ARHGAP6: variants seen among roughly 807,000 people sequenced by gnomAD.
ARHGAP6 encodes the protein Rho GTPase activating protein 6.
In ARHGAP6, 16 loss-of-function variants were observed where a neutral mutation model predicts 55.7. That is an observed-to-expected ratio of 0.29 (90% CI 0.19 to 0.44). The LOEUF is 0.44. ARHGAP6 is among the 20% of genes least tolerant of loss of function. ARHGAP6 has a pLI of 1.00. For missense variants in ARHGAP6, 698 were observed against 808.9 expected (o/e 0.86, Z 1.66); for synonymous variants, 382 against 360.9 (o/e 1.06, Z -0.66).
chrX:11,438,023 C>T (rs1276200898), intron 1 of ARHGAP6, among the ~76,000 whole-genome samples: 4 of 112,558 alleles, frequency 3.6e-5, no homozygotes, highest in Non-Finnish European at 7.5e-5. Context: ...AGCTTGCAAC[C>T]TCCAGATTTC....
chrX:11,448,562 T>G (rs2050115684), intron 1 of ARHGAP6, among the ~76,000 whole-genome samples: 1 of 111,533 alleles, frequency 9.0e-6, no homozygotes, highest in Non-Finnish European at 1.9e-5. Flanking sequence ...TGGCACCACT[T>G]AAAGTTACCT....
At chrX:11,538,032 G>T (rs1272397063) in intron 1 of ARHGAP6, among the ~76,000 whole-genome samples, 1 of 111,064 alleles carries the variant, frequency 9.0e-6, no homozygotes, top group African/African-American at 3.3e-5. Flanking sequence ...CCTAGAAATT[G>T]ATAAATATAC....
chrX:11,558,886 A>C, intron 1 of ARHGAP6, among the ~76,000 whole-genome samples: 1 of 98,753 alleles, frequency 1.0e-5, no homozygotes, highest in African/African-American at 3.7e-5. Context: ...AATTTTACGC[A>C]GTTGCATGAA....
intron 1 of ARHGAP6, among the ~76,000 whole-genome samples, chrX:11,354,327 C>CTATATATATATATATATATATATA (rs1174449401): frequency 3.1e-5 from 1 of 32,350 alleles, no homozygotes; most frequent in African/African-American, 1.3e-4. Context: ...CTCTCTCTCT[C>CTATATATATATATATATATATATA]TATATATATA....
intron 1 of ARHGAP6, among the ~76,000 whole-genome samples, chrX:11,467,643 C>A (rs1415244684): frequency 1.8e-5 from 2 of 111,608 alleles, no homozygotes; most frequent in Non-Finnish European, 3.8e-5. Flanking sequence ...GAATCAGACA[C>A]AAAAGGGTAC....
At chrX:11,623,669 C>T (rs1345254576) in intron 1 of ARHGAP6, among the ~76,000 whole-genome samples, 2 of 98,721 alleles carry the variant, frequency 2.0e-5, no homozygotes, top group African/African-American at 7.7e-5. Context: ...TGCACTCCAG[C>T]CTGGGCGACG....
At position 11,455,289 on chromosome X, in the gene ARHGAP6, C is replaced by T. The variant is rs186002098; in HGVS notation, c.589-200582G>A. Among the ~76,000 whole-genome samples, 75 of 112,254 alleles carry T rather than the reference C, an allele frequency of 6.7e-4. No individual in the cohort carries two copies. In the East Asian group the frequency reaches 0.019, roughly 28 times the overall value. ...AGACAAAAGAAGAAATGGTGACCTT[C>T]TTTTTGCAATAATGGTTCTGATGAC... is the stretch of plus-strand genomic sequence containing the variant. On this transcript the variant is annotated intron_variant, in intron 1 of 12. Transcript: ENST00000337414.
At chrX:11,446,821 A>T (rs774446146) in intron 1 of ARHGAP6, among the ~76,000 whole-genome samples, 1 of 112,004 alleles carries the variant, frequency 8.9e-6, no homozygotes, top group Non-Finnish European at 1.9e-5. Flanking sequence ...GTAGGGAAGT[A>T]TATCTCACTT....
At chrX:11,441,573 C>T (rs1316241638) in intron 1 of ARHGAP6, among the ~76,000 whole-genome samples, 2 of 111,253 alleles carry the variant, frequency 1.8e-5, no homozygotes, top group African/African-American at 6.5e-5. Context: ...CTGGGACTGC[C>T]AAGTAAAAAA....
At chrX:11,427,561 T>A (rs1250792345) in intron 1 of ARHGAP6, 6 of 920,330 alleles carry the variant, frequency 6.5e-6, no homozygotes, top group Non-Finnish European at 8.2e-6. Flanking sequence ...GTAGTGCAGC[T>A]GGGGCTTCTC....
intron 10 of ARHGAP6, among the ~76,000 whole-genome samples, chrX:11,151,290 G>A (rs2045773027): frequency 9.5e-6 from 1 of 105,748 alleles, no homozygotes; most frequent in South Asian, 4.4e-4. Flanking sequence ...CTAGAGACAA[G>A]GTCTCACTCT....
intron 1 of ARHGAP6, among the ~76,000 whole-genome samples, chrX:11,276,929 C>A (rs891408421): frequency 9.0e-6 from 1 of 111,382 alleles, no homozygotes; most frequent in African/African-American, 3.3e-5. Context: ...GTGTATAGTT[C>A]TGTGTTTCTT....
At chrX:11,609,606 C>G (rs1016457850) in intron 1 of ARHGAP6, among the ~76,000 whole-genome samples, 1 of 111,896 alleles carries the variant, frequency 8.9e-6, no homozygotes, top group African/African-American at 3.3e-5. Context: ...AAGACAATGG[C>G]AGGACCTTGC....
intron 1 of ARHGAP6, among the ~76,000 whole-genome samples, chrX:11,398,451 T>C (rs1253926509): frequency 1.8e-5 from 2 of 111,065 alleles, no homozygotes; most frequent in Non-Finnish European, 3.8e-5. Context: ...TTTTAAGTCA[T>C]TGTTAAAATT....
chrX:11,281,605 A>G (rs2047856871), intron 1 of ARHGAP6, among the ~76,000 whole-genome samples: 1 of 111,409 alleles, frequency 9.0e-6, no homozygotes, highest in Admixed American at 9.5e-5. Flanking sequence ...AAATTTGGAA[A>G]GATATCCACT....
intron 1 of ARHGAP6, among the ~76,000 whole-genome samples, chrX:11,501,914 T>A (rs1296315884): frequency 9.0e-6 from 1 of 111,464 alleles, no homozygotes; most frequent in Non-Finnish European, 1.9e-5. Flanking sequence ...TACATACAAG[T>A]GGACCCACAC....
chrX:11,182,354 G>C (rs565519347), intron 5 of ARHGAP6, among the ~76,000 whole-genome samples: 1 of 111,641 alleles, frequency 9.0e-6, no homozygotes, highest in Non-Finnish European at 1.9e-5. Context: ...TATTTTTCTT[G>C]TGATATTTTA....
chrX:11,638,813 A>G (rs2147184151), intron 1 of ARHGAP6, among the ~76,000 whole-genome samples: 1 of 112,320 alleles, frequency 8.9e-6, no homozygotes, highest in South Asian at 3.6e-4. Context: ...TGTAAAAAGT[A>G]TTTTTAAATA....
chrX:11,221,708 G>A (rs1269442826), intron 2 of ARHGAP6, among the ~76,000 whole-genome samples: 1 of 111,748 alleles, frequency 8.9e-6, no homozygotes, highest in Non-Finnish European at 1.9e-5. Context: ...TCACATATCA[G>A]TTTTTTTAGC....
Sources: allele counts gnomAD v4.1 joint callset (sites outside exome capture counted in the v4.1 genomes callset), GRCh38; gene constraint gnomAD v4.1.1; transcripts MANE v1.5; gene names NCBI Gene and HGNC (gene_info 2026-07-23, HGNC 2026-07-21).